Variants in GCNT1 observed in about 807,000 individuals in gnomAD.
GCNT1 encodes the protein glucosaminyl (N-acetyl) transferase 1.
Under a neutral mutation model 26.2 loss-of-function variants are expected in GCNT1, and 16 were observed. The ratio of observed to expected loss-of-function variants is 0.61; its 90% CI spans 0.41 to 0.93. The LOEUF is 0.93. Among genes scored for constraint, GCNT1 ranks in the 40% least tolerant of loss-of-function variants. GCNT1 has a pLI of 0.00. For missense variants in GCNT1, 477 were observed against 526.7 expected (o/e 0.91, Z 0.92); for synonymous variants, 183 against 190.8 (o/e 0.96, Z 0.34).
rs181200933 is a variant in GCNT1, at chr9:76,429,961, G to A, written n.38+10074G>A. Among the ~76,000 whole-genome samples the A allele has an allele frequency of 2.7e-3, 408 of 152,094 alleles. 1 individual carries two copies. Among genetic ancestry groups the A allele is most frequent in the African/African-American group, 9.3e-3 (387 of 41,488 alleles). On this transcript the variant is annotated intron_variant and non_coding_transcript_variant, in intron 1 of 3. Coordinates refer to the GCNT1 transcript ENST00000488136. The stretch of plus-strand genomic sequence containing the variant: ...GATCTCCTGACCTTGTGATCTGCCC[G>A]CCTCGGCCTCCCAAAGTGCTGGGAT...
Position 76,503,202 on chromosome 9 carries a change from T to A in GCNT1, c.821T>A (p.Met274Lys). Residue 274 changes from methionine to lysine, a missense_variant, in exon 4 of 4, where the codon ATG becomes AAG. Physicochemically the swap from Met to Lys is moderately conservative, Grantham distance 95. Coordinates refer to ENST00000376730, the MANE Select transcript of GCNT1 (RefSeq NM_001490.5). ...GKLTNTGTVK[M>K]LPPLETPLFS... ...CTGACAAACACAGGGACTGTCAAAA[T>A]GCTTCCTCCACTCGAAACACCTCTC... The A allele has an allele frequency of 6.2e-7, 1 of 1,614,160 alleles. No homozygotes were observed. Among genetic ancestry groups the A allele is most frequent in the Non-Finnish European group, 8.5e-7 (1 of 1,180,030 alleles).
At chr9:76,419,202 C>A (rs1236100760), upstream of GCNT1, among the ~76,000 whole-genome samples, 3 of 152,122 alleles carry the variant, frequency 2.0e-5, no homozygotes, top group East Asian at 5.8e-4. Context: ...CCATCCCAAT[C>A]ATCACCATCT....
intron 1 of GCNT1, among the ~76,000 whole-genome samples, chr9:76,429,966 G>C (rs971094875): frequency 3.3e-5 from 5 of 151,942 alleles, no homozygotes; most frequent in Non-Finnish European, 7.4e-5. Flanking sequence ...TGCCCGCCTC[G>C]GCCTCCCAAA....
At chr9:76,438,299 T>C (rs1038518802), upstream of GCNT1, among the ~76,000 whole-genome samples, 9 of 152,274 alleles carry the variant, frequency 5.9e-5, no homozygotes, top group East Asian at 5.8e-4. Flanking sequence ...TTCCAGGTCA[T>C]AGGTAGATTT....
chr9:76,500,560 T>TA (rs1444259808), intron 2 of GCNT1, among the ~76,000 whole-genome samples: 1 of 152,146 alleles, frequency 6.6e-6, no homozygotes, highest in Non-Finnish European at 1.5e-5. Flanking sequence ...TGTCATTAAT[T>TA]TGCCAGTGAG....
upstream of GCNT1, among the ~76,000 whole-genome samples, chr9:76,439,825 C>A (rs985105198): frequency 6.6e-6 from 1 of 152,072 alleles, no homozygotes; most frequent in Non-Finnish European, 1.5e-5. Flanking sequence ...CAAGGCTGGG[C>A]GCATTGGCTC....
At chr9:76,425,137 T>TAAAA (rs1194003045) in intron 1 of GCNT1, among the ~76,000 whole-genome samples, 1 of 73,030 alleles carries the variant, frequency 1.4e-5, no homozygotes, top group East Asian at 4.3e-4. Context: ...AAACTCCGTC[T>TAAAA]AAAAAAAAAA....
chr9:76,421,494 C>A (rs541586237), intron 1 of GCNT1, among the ~76,000 whole-genome samples: 1 of 148,734 alleles, frequency 6.7e-6, no homozygotes, highest in Non-Finnish European at 1.5e-5. Flanking sequence ...GTCCCAGCTA[C>A]TAGGGAGGCT....
upstream of GCNT1, among the ~76,000 whole-genome samples, chr9:76,458,175 A>ATTT (rs779648273): frequency 0.021 from 1,602 of 76,226 alleles, 100 homozygotes; most frequent in African/African-American, 0.035. Context: ...TCTGAGTTGG[A>ATTT]TTTTTTTTTT....
At chr9:76,422,669 C>T (rs888205103) in intron 1 of GCNT1, among the ~76,000 whole-genome samples, 4 of 152,188 alleles carry the variant, frequency 2.6e-5, no homozygotes, top group African/African-American at 9.7e-5. Flanking sequence ...CCTCCCACCT[C>T]AGCCTCCAGA....
At chr9:76,478,575 C>A (rs952967939) in intron 2 of GCNT1, among the ~76,000 whole-genome samples, 4 of 152,222 alleles carry the variant, frequency 2.6e-5, no homozygotes, top group Non-Finnish European at 4.4e-5. Flanking sequence ...ATTTCAGACA[C>A]AATAGCATAT....
the GCNT1 span, among the ~76,000 whole-genome samples, chr9:76,409,154 ATTTC>A: frequency 8.5e-5 from 13 of 152,236 alleles, no homozygotes; most frequent in African/African-American, 2.6e-4. Context: ...CAGAATGTAT[ATTTC>A]TTCTGCATGA....
chr9:76,407,884 A>T, the GCNT1 span, among the ~76,000 whole-genome samples: 1 of 152,168 alleles, frequency 6.6e-6, no homozygotes, highest in Non-Finnish European at 1.5e-5. Context: ...GTTAATATAA[A>T]TGGTATTGAT....
At chr9:76,486,519 T>C (rs983940348) in intron 2 of GCNT1, among the ~76,000 whole-genome samples, 2 of 152,232 alleles carry the variant, frequency 1.3e-5, no homozygotes, top group African/African-American at 4.8e-5. Context: ...GGGCTGTAAA[T>C]TGCACGGTCT....
rs189557173 is a variant in GCNT1 at position 76,502,615 on chromosome 9, A to G, written c.234A>G (p.Leu78=). 2.5e-6 allele frequency: 4 copies of G among 1,613,806 alleles called. No individual in the cohort carries two copies. Among genetic ancestry groups the G allele is most frequent in the Non-Finnish European group, 8.5e-7 (1 of 1,179,836 alleles). ...TCCAAAAGGTAAAGCTTGAGATCCT[A>G]ACAGTGAAATTTAAAAAGCGCCCTC... The part of the protein sequence containing the change: ...NEIQKVKLEI[L]TVKFKKRPRW... Residue 78 remains leucine, a synonymous_variant, in exon 4 of 4, where the codon CTA becomes CTG. Transcript: ENST00000376730.
chr9:76,489,163 C>T (rs1824661693), intron 2 of GCNT1, among the ~76,000 whole-genome samples: 2 of 152,150 alleles, frequency 1.3e-5, no homozygotes, highest in African/African-American at 4.8e-5. Context: ...TAAAAGGGAG[C>T]CTCTATCTAG....
chr9:76,478,081 G>C (rs757732826), intron 2 of GCNT1, among the ~76,000 whole-genome samples: 3 of 152,204 alleles, frequency 2.0e-5, no homozygotes, highest in Non-Finnish European at 4.4e-5. Flanking sequence ...GGACCAATCA[G>C]TGCTCTGTAA....
Position 76,502,979 on chromosome 9 carries a change from A to C in GCNT1, c.598A>C (p.Met200Leu). ...CCGGGTTCAGGCTGACCTCAACTGCATGAAGGATCTCTATGCAATGAGTGC... is the reference window on the plus strand; with the variant it reads ...CCGGGTTCAGGCTGACCTCAACTGCCTGAAGGATCTCTATGCAATGAGTGC... ...WSRVQADLNC[M>L]KDLYAMSANW... Residue 200 changes from methionine (M) to leucine (L), a missense_variant, in exon 4 of 4, where the codon ATG becomes CTG. Coordinates refer to ENST00000376730, the MANE Select transcript of GCNT1 (RefSeq NM_001490.5). The C allele has an allele frequency of 6.2e-7, 1 of 1,613,352 alleles. No individual in the cohort carries two copies. The highest frequency in any genetic ancestry group is 8.5e-7 in the Non-Finnish European group (1 of 1,179,982).
At chr9:76,471,448 G>A (rs751872750) in intron 2 of GCNT1, among the ~76,000 whole-genome samples, 1 of 152,142 alleles carries the variant, frequency 6.6e-6, no homozygotes, top group African/African-American at 2.4e-5. Context: ...TGCCTGGGGC[G>A]CTTGACTTCC....
Sources: allele counts gnomAD v4.1 joint callset (sites outside exome capture counted in the v4.1 genomes callset), GRCh38; gene constraint gnomAD v4.1.1; transcripts MANE v1.5; gene names NCBI Gene and HGNC (gene_info 2026-07-23, HGNC 2026-07-21).